Variants in GRM5 observed in about 807,000 individuals in gnomAD.
GRM5 encodes the protein glutamate metabotropic receptor 5, also known as metabotropic glutamate receptor 5.
GRM5 carries 19 observed loss-of-function variants against 83.1 expected under a neutral mutation model. The ratio of observed to expected loss-of-function variants is 0.23; its 90% CI spans 0.16 to 0.34. The LOEUF is 0.34. Among genes scored for constraint, GRM5 ranks in the 10% least tolerant of loss-of-function variants. The pLI, the probability that GRM5 is intolerant of heterozygous loss-of-function variation, is 1.00. For synonymous variants in GRM5, 675 were observed against 633.6 expected (o/e 1.07, Z -0.98); for missense variants, 1,160 against 1,588.3 (o/e 0.73, Z 4.58).
At chr11:88,865,478 A>G (rs613597) in intron 2 of GRM5, among the ~76,000 whole-genome samples, 113,090 of 151,888 alleles carry the variant, frequency 0.74, 42,833 homozygotes, top group East Asian at 0.92. Flanking sequence ...CCTAGGCAAT[A>G]CCATTCAGGA....
chr11:88,666,909 T>TA (rs1253560499), intron 3 of GRM5, among the ~76,000 whole-genome samples: 1 of 151,926 alleles, frequency 6.6e-6, no homozygotes, highest in Non-Finnish European at 1.5e-5. Flanking sequence ...ATATAAAGCA[T>TA]TAAAGAAAAA....
At chr11:88,829,315 G>A (rs1289080096) in intron 3 of GRM5, among the ~76,000 whole-genome samples, 1 of 152,078 alleles carries the variant, frequency 6.6e-6, no homozygotes, top group Non-Finnish European at 1.5e-5. Flanking sequence ...ACAAAATTTG[G>A]TGGGTCGCGG....
chr11:88,731,209 G>A (rs955052964), intron 3 of GRM5, among the ~76,000 whole-genome samples: 3 of 151,814 alleles, frequency 2.0e-5, no homozygotes, highest in Non-Finnish European at 4.4e-5. Flanking sequence ...CTTCATTCCT[G>A]CCCACTTCTC....
chr11:88,542,017 C>T (rs927358401), intron 8 of GRM5, among the ~76,000 whole-genome samples: 5 of 152,156 alleles, frequency 3.3e-5, no homozygotes, highest in African/African-American at 1.2e-4. Context: ...AAGAAGGTAC[C>T]TGCTTAACAT....
At chr11:88,682,206 G>GAT (rs1237746905) in intron 3 of GRM5, among the ~76,000 whole-genome samples, 5 of 152,132 alleles carry the variant, frequency 3.3e-5, no homozygotes, top group African/African-American at 9.7e-5. Context: ...ATCCAGGCCA[G>GAT]ACCTCTCTGC....
chr11:88,615,296 C>T (rs61901997), intron 4 of GRM5, among the ~76,000 whole-genome samples: 18,027 of 152,034 alleles, frequency 0.12, 1,422 homozygotes, highest in Non-Finnish European at 0.18. Flanking sequence ...ATTGGAAAAC[C>T]AACAAAATAC....
intron 2 of GRM5, among the ~76,000 whole-genome samples, chr11:89,046,770 C>A (rs1458851891): frequency 2.6e-5 from 4 of 152,116 alleles, no homozygotes; most frequent in Non-Finnish European, 5.9e-5. Context: ...TAGGTTAGAA[C>A]TGGCTACTAC....
chr11:89,005,318 A>G (rs149282154), intron 2 of GRM5, among the ~76,000 whole-genome samples: 148 of 152,344 alleles, frequency 9.7e-4, no homozygotes, highest in Non-Finnish European at 1.5e-3. Context: ...TATACATTTC[A>G]TATCGGGAAG....
intron 2 of GRM5, among the ~76,000 whole-genome samples, chr11:88,963,535 T>C (rs1205553178): frequency 1.3e-5 from 2 of 152,224 alleles, no homozygotes; most frequent in African/African-American, 4.8e-5. Context: ...ACAGTTATGC[T>C]ATTTAGCCAT....
chr11:88,532,816 G>C (rs1266458756), intron 8 of GRM5, among the ~76,000 whole-genome samples: 1 of 152,128 alleles, frequency 6.6e-6, no homozygotes, highest in Non-Finnish European at 1.5e-5. Context: ...CTAATGTACA[G>C]AGTTTTGAGA....
intron 2 of GRM5, among the ~76,000 whole-genome samples, chr11:88,944,536 C>T (rs1938212314): frequency 6.6e-6 from 1 of 151,632 alleles, no homozygotes; most frequent in Admixed American, 6.6e-5. Flanking sequence ...AACCTACGTG[C>T]CTTTTTTTTC....
At chr11:89,015,219 G>C (rs961881525) in intron 2 of GRM5, among the ~76,000 whole-genome samples, 3 of 152,168 alleles carry the variant, frequency 2.0e-5, no homozygotes, top group Non-Finnish European at 4.4e-5. Flanking sequence ...CTATTTCAAA[G>C]GATTGCTACC....
At chr11:88,971,983 A>G (rs1474345050) in intron 2 of GRM5, among the ~76,000 whole-genome samples, 3 of 152,104 alleles carry the variant, frequency 2.0e-5, no homozygotes, top group Admixed American at 6.6e-5. Context: ...AGCTTCCACT[A>G]GTCAAGTCTG....
chr11:88,745,195 TTTC>T (rs1364847177), intron 3 of GRM5, among the ~76,000 whole-genome samples: 368 of 3,370 alleles, frequency 0.11, 5 homozygotes, highest in South Asian at 0.39. Context: ...TCTTTTTATT[TTTC>T]TTTTTTTTTT....
chr11:89,017,768 A>G (rs1940895475), intron 2 of GRM5, among the ~76,000 whole-genome samples: 1 of 152,192 alleles, frequency 6.6e-6, no homozygotes. Context: ...AGTACCCACC[A>G]TAGAGTTTCT....
intron 3 of GRM5, among the ~76,000 whole-genome samples, chr11:88,849,099 T>C (rs1170468593): frequency 1.3e-5 from 2 of 152,154 alleles, no homozygotes; most frequent in Non-Finnish European, 2.9e-5. Context: ...CTCTCTTGGG[T>C]CTTTAATCAC....
intron 3 of GRM5, among the ~76,000 whole-genome samples, chr11:88,820,440 T>C (rs542735745): frequency 6.6e-6 from 1 of 151,236 alleles, no homozygotes; most frequent in East Asian, 1.9e-4. Flanking sequence ...CCATTATTGC[T>C]ATTCTTTCTC....
At chr11:89,039,003 C>T (rs1461547111) in intron 2 of GRM5, among the ~76,000 whole-genome samples, 2 of 152,058 alleles carry the variant, frequency 1.3e-5, no homozygotes, top group Non-Finnish European at 2.9e-5. Context: ...CGGTGGCTCA[C>T]GTCTGTGATC....
chr11:88,627,711 C>T (rs1434653261), intron 4 of GRM5, among the ~76,000 whole-genome samples: 1 of 152,096 alleles, frequency 6.6e-6, no homozygotes, highest in Admixed American at 6.6e-5. Flanking sequence ...TCCTTCAGCC[C>T]TGCAGAGGAT....
Sources: allele counts gnomAD v4.1 joint callset (sites outside exome capture counted in the v4.1 genomes callset), GRCh38; gene constraint gnomAD v4.1.1; transcripts MANE v1.5; gene names NCBI Gene and HGNC (gene_info 2026-07-23, HGNC 2026-07-21).